RAI14: variants seen among roughly 807,000 people sequenced by gnomAD.
RAI14 encodes retinoic acid induced 14, also known as ankycorbin.
In RAI14, 45 loss-of-function variants were observed where a neutral mutation model predicts 115.4. The ratio of observed to expected loss-of-function variants is 0.39; its 90% CI spans 0.31 to 0.50. RAI14 has a LOEUF of 0.50. Among genes scored for constraint, RAI14 ranks in the 20% least tolerant of loss-of-function variants. The pLI is 0.85. For synonymous variants in RAI14, 371 were observed against 415.4 expected, an observed-to-expected ratio of 0.89 and a Z score of 1.30; for missense variants, 939 against 1,131.2, an observed-to-expected ratio of 0.83 and a Z score of 2.44.
At chr5:34,746,931 C>T (rs1580115752) in intron 2 of RAI14, among the ~76,000 whole-genome samples, 3 of 152,252 alleles carry the variant, frequency 2.0e-5, no homozygotes, top group Admixed American at 2.0e-4. Flanking sequence ...CTCACGAGAT[C>T]TAATGGGTTT....
rs183489384 is a variant in RAI14 at position 34,808,651 on chromosome 5, T to C, written c.447T>C (p.Asp149=). 45 of 1,614,098 alleles carry C rather than the reference T, an allele frequency of 2.8e-5. No individual in the cohort carries two copies. The East Asian group carries it at 9.6e-4, about 34-fold the overall frequency. The change falls in exon 7 of 18, where the codon GAT becomes GAC. Residue 149 remains aspartate (D), a synonymous_variant. Transcript: ENST00000265109. ...CEHKSPINLK[D]LDGNIPLLLA... is the part of the protein sequence containing the mutation. ...ACAAGAGCCCCATAAACCTCAAAGA[T>C]TTGGTAAGTACCAGGTGGTCACTAG... is the stretch of plus-strand genomic sequence containing the variant.
chr5:34,723,682 C>T (rs1300434658), intron 2 of RAI14, among the ~76,000 whole-genome samples: 1 of 152,102 alleles, frequency 6.6e-6, no homozygotes, highest in Non-Finnish European at 1.5e-5. Flanking sequence ...TGAAATTTCA[C>T]CTGATTTAAG....
Position 34,811,900 on chromosome 5 carries a change from G to T in RAI14, c.691G>T (p.Ala231Ser). The change falls in exon 9 of 18, where the codon GCA becomes TCA. Residue 231 changes from alanine (A) to serine (S), a missense_variant. By Grantham distance (99) the Ala-to-Ser change is moderately conservative (BLOSUM62 1). Transcript: ENST00000265109. The part of the protein sequence containing the change: ...ALHYSKLSEN[A>S]GIQSLLLSKI... ...ACATTATTCCAAACTCTCAGAAAAT[G>T]CAGGAATTCAAAGCCTTCTATTATC... is the stretch of plus-strand genomic sequence containing the variant. The T allele has an allele frequency of 5.6e-6, 9 of 1,613,112 alleles. No homozygotes were observed. Among genetic ancestry groups the T allele is most frequent in the Non-Finnish European group, 7.6e-6 (9 of 1,179,592 alleles).
At position 34,687,021 on chromosome 5, in the gene RAI14, C is replaced by T. The variant is rs531599453; in HGVS notation, c.36+66C>T. The stretch of plus-strand genomic sequence containing the variant: ...TCCATGGAGCTGCAGAAACGCTCCT[C>T]CCCACCTTGATAAGGCGCTGTTGGG... On this transcript the variant is annotated intron_variant, in intron 2 of 17. Transcript: ENST00000265109. 1.2e-5 allele frequency: 19 copies of T among 1,560,468 alleles called. No individual in the cohort carries two copies. In the Admixed American group the frequency reaches 3.0e-4, roughly 25 times the overall value.
chr5:34,778,522 G>A (rs1319117068), intron 3 of RAI14, among the ~76,000 whole-genome samples: 1 of 152,150 alleles, frequency 6.6e-6, no homozygotes. Context: ...GCTATCCCAG[G>A]TAGTGACCAG....
At chr5:34,657,464 C>T (rs573875032) in intron 1 of RAI14, among the ~76,000 whole-genome samples, 22 of 152,286 alleles carry the variant, frequency 1.4e-4, no homozygotes, top group South Asian at 2.1e-4. Context: ...CTCACGGGGG[C>T]CTGAGCATGG....
rs765973937 is a variant in RAI14, at chr5:34,811,135, C to T, written c.557+17C>T. ...AAGTGGAAGGTACTCCAGAATTAGG[C>T]AGAAATCATGTGACTTCAGTGATAC... On this transcript the variant is annotated intron_variant, in intron 8 of 17. Transcript: ENST00000265109. The T allele has an allele frequency of 1.2e-6, 2 of 1,611,770 alleles. No homozygotes were observed. The highest frequency in any genetic ancestry group is 1.1e-5 in the South Asian group (1 of 90,928).
At chr5:34,660,453 A>G (rs1043160395) in intron 1 of RAI14, among the ~76,000 whole-genome samples, 1 of 152,180 alleles carries the variant, frequency 6.6e-6, no homozygotes, top group African/African-American at 2.4e-5. Context: ...AGAAAGAAAA[A>G]GAAAAAGTGG....
At chr5:34,729,505 C>T (rs749726732) in intron 2 of RAI14, among the ~76,000 whole-genome samples, 3 of 152,140 alleles carry the variant, frequency 2.0e-5, no homozygotes, top group Non-Finnish European at 4.4e-5. Flanking sequence ...AGAGAAGCCA[C>T]CAGACATTTT....
In RAI14 at chr5:34,803,706, A is replaced by G; in HGVS notation, c.257-6A>G. 1 of 1,604,102 alleles carries G rather than the reference A, an allele frequency of 6.2e-7. No individual in the cohort carries two copies. The highest frequency in any genetic ancestry group is 8.5e-7 in the Non-Finnish European group (1 of 1,174,656). On this transcript the variant is annotated splice_region_variant and splice_polypyrimidine_tract_variant and intron_variant, in intron 4 of 17. Transcript: ENST00000265109. ...AAAAAATTATTATTTGAAAAAATCC[A>G]TTTAGGACACAGCGCCTTACATCTC...
At chr5:34,736,173 G>A (rs1285144202) in intron 2 of RAI14, among the ~76,000 whole-genome samples, 1 of 152,214 alleles carries the variant, frequency 6.6e-6, no homozygotes, top group African/African-American at 2.4e-5. Context: ...GGCCAAGGCG[G>A]GCGGATCACC....
intron 5 of RAI14, among the ~76,000 whole-genome samples, chr5:34,807,330 A>C (rs574479657): frequency 6.6e-6 from 1 of 152,276 alleles, no homozygotes; most frequent in East Asian, 1.9e-4. Context: ...GGAAACATGA[A>C]GGTTTTTGGT....
chr5:34,796,025 C>A lies in RAI14; in HGVS notation c.254C>A (p.Thr85Asn). The change falls in exon 4 of 18, where the codon ACC (threonine) becomes AAC (asparagine). Residue 85 changes from threonine to asparagine, a missense_variant and splice_region_variant. Thr to Asn is a moderately conservative substitution (Grantham distance 65, BLOSUM62 0). Coordinates refer to ENST00000265109, the MANE Select transcript of RAI14 (RefSeq NM_015577.3). ...HGVDVTAQDT[T>N]GHSALHLAAK... ...GTGGATGTGACAGCCCAAGATACTA[C>A]CGGTATGTGGTTTTTAGTCTCTTAA... 6.2e-7 allele frequency: 1 copy of A among 1,606,684 alleles called. No homozygotes were observed. The highest frequency in any genetic ancestry group is 8.5e-7 in the Non-Finnish European group (1 of 1,173,722).
chr5:34,688,224 G>A (rs1419688030), intron 2 of RAI14: 32 of 1,551,258 alleles, frequency 2.1e-5, no homozygotes, highest in East Asian at 4.9e-5. Context: ...CATATCTCCC[G>A]TGGCTTTCAG....
chr5:34,790,161 G>A (rs371378267), intron 3 of RAI14, among the ~76,000 whole-genome samples: 8 of 152,204 alleles, frequency 5.3e-5, no homozygotes, highest in African/African-American at 1.9e-4. Flanking sequence ...ATTAATAACT[G>A]CTTCTAGGCA....
intron 1 of RAI14, among the ~76,000 whole-genome samples, chr5:34,666,891 G>T (rs1365956113): frequency 6.6e-6 from 1 of 152,220 alleles, no homozygotes. Context: ...CTGGATGAAT[G>T]ACAAGCCCTG....
At chr5:34,753,273 A>T (rs1489434326) in intron 2 of RAI14, among the ~76,000 whole-genome samples, 1 of 152,170 alleles carries the variant, frequency 6.6e-6, no homozygotes, top group Admixed American at 6.5e-5. Context: ...TTGGGATGTT[A>T]TGATAAAATT....
intron 3 of RAI14, among the ~76,000 whole-genome samples, chr5:34,789,072 T>C (rs1752639924): frequency 6.6e-6 from 1 of 152,224 alleles, no homozygotes; most frequent in African/African-American, 2.4e-5. Context: ...TATTTAGAGT[T>C]GCCAGCTATC....
chr5:34,734,471 G>A (rs991609428), intron 2 of RAI14, among the ~76,000 whole-genome samples: 4 of 152,150 alleles, frequency 2.6e-5, no homozygotes, highest in African/African-American at 9.7e-5. Context: ...TAATGCTGGT[G>A]CAATAGAAGA....
Sources: allele counts gnomAD v4.1 joint callset (sites outside exome capture counted in the v4.1 genomes callset), GRCh38; gene constraint gnomAD v4.1.1; transcripts MANE v1.5; gene names NCBI Gene and HGNC (gene_info 2026-07-23, HGNC 2026-07-21).